The following TBC1D12 variants were observed in gnomAD, a reference collection of about 807,000 sequenced individuals.
The protein encoded by TBC1D12 is TBC1 domain family member 12.
Under a neutral mutation model 86.7 loss-of-function variants are expected in TBC1D12, and 56 were observed. The observed-to-expected ratio is 0.65, with a 90% CI of 0.52 to 0.81. The LOEUF (loss-of-function observed/expected upper bound fraction) is 0.81. TBC1D12 is among the 30% of genes least tolerant of loss of function. The pLI is 0.00. For synonymous variants in TBC1D12, 421 were observed against 411.7 expected (o/e 1.02, Z -0.27); for missense variants, 1,023 against 1,038.8 (o/e 0.98, Z 0.21).
At chr10:94,403,618 TCCGGGG>T (rs750965275) in intron 1 of TBC1D12, 34 bp downstream of exon 1, 5 of 1,385,926 alleles carry the variant, frequency 3.6e-6, no homozygotes, top group South Asian at 1.7e-5. Flanking sequence ...TCGGGGCGGG[TCCGGGG>T]CCGGGGCCGG....
At chr10:94,425,257 G>A (rs952535447) in intron 1 of TBC1D12, among the ~76,000 whole-genome samples, 1 of 152,142 alleles carries the variant, frequency 6.6e-6, no homozygotes, top group Non-Finnish European at 1.5e-5. Context: ...GATGCAAAAT[G>A]AGGGAGTTTT....
At chr10:94,438,286 A>G (rs1473521952) in intron 1 of TBC1D12, among the ~76,000 whole-genome samples, 2 of 151,640 alleles carry the variant, frequency 1.3e-5, no homozygotes, top group Admixed American at 6.6e-5. Flanking sequence ...TTCACAAAGT[A>G]TGTATTCCAT....
chr10:94,437,937 T>A (rs2055326560), intron 1 of TBC1D12, among the ~76,000 whole-genome samples: 1 of 150,982 alleles, frequency 6.6e-6, no homozygotes, highest in Non-Finnish European at 1.5e-5. Context: ...TTATCCTCCT[T>A]TATTACCTTT....
chr10:94,523,385 T>G (rs1842206783), intron 11 of TBC1D12, among the ~76,000 whole-genome samples: 1 of 152,000 alleles, frequency 6.6e-6, no homozygotes, highest in Non-Finnish European at 1.5e-5. Context: ...TAGTTGCTAT[T>G]TATTTTATTA....
At chr10:94,482,598 G>A (rs560200844) in intron 3 of TBC1D12, among the ~76,000 whole-genome samples, 42 of 152,002 alleles carry the variant, frequency 2.8e-4, no homozygotes, top group Non-Finnish European at 4.4e-4. Flanking sequence ...TTATAGGCAT[G>A]CACCACCATG....
chr10:94,529,635 C>A (rs947178969), intron 11 of TBC1D12, among the ~76,000 whole-genome samples: 31 of 152,108 alleles, frequency 2.0e-4, no homozygotes, highest in African/African-American at 7.5e-4. Flanking sequence ...AATTATTTTT[C>A]AATGTATTCT....
chr10:94,448,068 A>C (rs1247530522), intron 2 of TBC1D12, among the ~76,000 whole-genome samples: 1 of 152,050 alleles, frequency 6.6e-6, no homozygotes, highest in Admixed American at 6.6e-5. Context: ...TGAGTGGTTG[A>C]ATCAGTTTCA....
intron 2 of TBC1D12, among the ~76,000 whole-genome samples, chr10:94,468,432 G>T (rs1312831654): frequency 6.6e-6 from 1 of 152,080 alleles, no homozygotes; most frequent in East Asian, 1.9e-4. Flanking sequence ...ACTTATGAAA[G>T]ATATTTCCTC....
At chr10:94,516,853 C>A (rs1842005690) in intron 9 of TBC1D12, among the ~76,000 whole-genome samples, 1 of 151,874 alleles carries the variant, frequency 6.6e-6, no homozygotes, top group Non-Finnish European at 1.5e-5. Context: ...ATCCCAAAAG[C>A]CTTTATTGAG....
At chr10:94,518,642 CAAT>C (rs1306650836) in intron 9 of TBC1D12, among the ~76,000 whole-genome samples, 2 of 151,954 alleles carry the variant, frequency 1.3e-5, no homozygotes, top group African/African-American at 4.8e-5. Flanking sequence ...CACCATGAGT[CAAT>C]AAATAATGCA....
At chr10:94,422,240 A>G (rs1344391786) in intron 1 of TBC1D12, among the ~76,000 whole-genome samples, 1 of 139,232 alleles carries the variant, frequency 7.2e-6, no homozygotes, top group Non-Finnish European at 1.5e-5. Flanking sequence ...ACCAGGCTGG[A>G]ATGCAGTGTC....
At chr10:94,433,569 G>A (rs1046095109) in intron 1 of TBC1D12, among the ~76,000 whole-genome samples, 25 of 152,088 alleles carry the variant, frequency 1.6e-4, no homozygotes, top group African/African-American at 5.8e-4. Context: ...AATATGTTTG[G>A]TAAGGATTAC....
chr10:94,487,684 T>A (rs558665670), intron 3 of TBC1D12, among the ~76,000 whole-genome samples: 2 of 149,732 alleles, frequency 1.3e-5, no homozygotes, highest in African/African-American at 2.4e-5. Flanking sequence ...TTTTAACTTC[T>A]GTTGTTTCTC....
At chr10:94,410,675 G>T (rs1472062398) in intron 1 of TBC1D12, among the ~76,000 whole-genome samples, 1 of 152,124 alleles carries the variant, frequency 6.6e-6, no homozygotes, top group Non-Finnish European at 1.5e-5. Context: ...CTGTAGATCT[G>T]TTCCTAGGGC....
At chr10:94,406,645 A>G (rs566878056) in intron 1 of TBC1D12, among the ~76,000 whole-genome samples, 8 of 152,178 alleles carry the variant, frequency 5.3e-5, no homozygotes, top group Non-Finnish European at 1.0e-4. Context: ...CCTCAGTGAA[A>G]ATAATCAGAA....
intron 6 of TBC1D12, among the ~76,000 whole-genome samples, chr10:94,505,549 G>A (rs1251748283): frequency 6.6e-6 from 1 of 152,056 alleles, no homozygotes. Context: ...TTCCAGTCTG[G>A]GCAACAGAGA....
chr10:94,469,881 C>A (rs1195234434), intron 2 of TBC1D12, among the ~76,000 whole-genome samples: 1 of 152,162 alleles, frequency 6.6e-6, no homozygotes, highest in Non-Finnish European at 1.5e-5. Flanking sequence ...TCAGTATTGC[C>A]TCCAGGCATA....
chr10:94,418,564 T>G (rs1244862144), intron 1 of TBC1D12, among the ~76,000 whole-genome samples: 1 of 151,360 alleles, frequency 6.6e-6, no homozygotes, highest in African/African-American at 2.4e-5. Flanking sequence ...TCTATTATTA[T>G]TATTATTATT....
intron 1 of TBC1D12, among the ~76,000 whole-genome samples, chr10:94,409,291 C>T (rs533399004): frequency 4.0e-5 from 6 of 151,560 alleles, no homozygotes; most frequent in Admixed American, 2.0e-4. Flanking sequence ...TTAGGTAGAA[C>T]GTATTCAGAA....
Sources: gnomAD v4.1 joint callset for allele counts (sites outside exome capture counted in the v4.1 genomes callset) on GRCh38, gnomAD v4.1.1 for gene constraint, MANE v1.5 for transcripts, NCBI Gene and HGNC (gene_info 2026-07-23, HGNC 2026-07-21) for gene names.